The following USP15 variants were observed in gnomAD, a reference collection of about 807,000 sequenced individuals.
USP15 encodes the protein ubiquitin specific peptidase 15, also known as ubiquitin carboxyl-terminal hydrolase 15.
Under a neutral mutation model 127.1 loss-of-function variants are expected in USP15, and 18 were observed. The observed-to-expected ratio is 0.14, with a 90% CI of 0.10 to 0.21. The LOEUF (loss-of-function observed/expected upper bound fraction) is 0.21. Among genes scored for constraint, USP15 ranks in the 10% least tolerant of loss-of-function variants. USP15 has a pLI of 1.00. For missense variants in USP15, 805 were observed against 1,159.9 expected, an observed-to-expected ratio of 0.69 and a Z score of 4.44; for synonymous variants, 364 against 393.7, an observed-to-expected ratio of 0.92 and a Z score of 0.89.
At position 62,321,513 on chromosome 12, in the gene USP15, G is replaced by A. The variant is rs2137281069; in HGVS notation, c.525G>A (p.Lys175=). 1.2e-6 allele frequency: 2 copies of A among 1,607,768 alleles called. No individual in the cohort carries two copies. Among genetic ancestry groups the A allele is most frequent in the Non-Finnish European group, 1.7e-6 (2 of 1,176,438 alleles). Reference sequence around the variant, plus strand: ...AAATCTTCAGTATTCCAGATGAAAAGGAGACCAGATTGTGGAACAAATACA... The same window carrying A: ...AAATCTTCAGTATTCCAGATGAAAAAGAGACCAGATTGTGGAACAAATACA... ...IRKIFSIPDE[K]ETRLWNKYMS... Residue 175 remains lysine (K), a synonymous_variant, in exon 5 of 22, where the codon AAG becomes AAA. Coordinates refer to ENST00000280377, the MANE Select transcript of USP15 (RefSeq NM_001252078.2).
chr12:62,290,590 A>G (rs1565822937), intron 1 of USP15, among the ~76,000 whole-genome samples: 1 of 152,210 alleles, frequency 6.6e-6, no homozygotes, highest in African/African-American at 2.4e-5. Flanking sequence ...TAAGTAGAGC[A>G]TTTAACTCAT....
At position 62,331,145 on chromosome 12, in the gene USP15, A is replaced by T. The variant is rs376986864; in HGVS notation, c.683+5212A>T. Among the ~76,000 whole-genome samples the T allele has an allele frequency of 2.6e-5, 4 of 152,198 alleles. No individual in the cohort carries two copies. The East Asian group carries it at 7.7e-4, about 29-fold the overall frequency. On this transcript the variant is annotated intron_variant, in intron 6 of 21. Transcript: ENST00000280377. ...GGCATGAAAATGCTAGTTCTGATAT[A>T]TATCACTAACCTGGAATTTGTCCAT...
intron 6 of USP15, among the ~76,000 whole-genome samples, chr12:62,332,346 T>C (rs2065329965): frequency 6.6e-6 from 1 of 152,166 alleles, no homozygotes; most frequent in Non-Finnish European, 1.5e-5. Flanking sequence ...AACATGATCT[T>C]TTCTAATGAT....
rs187364821 is a variant in USP15 at position 62,274,767 on chromosome 12, G to A, written c.89+14264G>A. On this transcript the variant is annotated intron_variant, in intron 1 of 21. Transcript: ENST00000280377. Reference sequence around the variant, plus strand: ...CAACTAATATAAAAACACTTTGTACGAAAACCTTATATAAACATTAAACAT... The same window carrying A: ...CAACTAATATAAAAACACTTTGTACAAAAACCTTATATAAACATTAAACAT... Among the ~76,000 whole-genome samples, 6 of 152,250 alleles carry A rather than the reference G, an allele frequency of 3.9e-5. No homozygotes were observed. The East Asian group carries it at 9.7e-4, about 24-fold the overall frequency.
At chr12:62,360,111 C>T (rs2066268282) in intron 8 of USP15, among the ~76,000 whole-genome samples, 1 of 152,026 alleles carries the variant, frequency 6.6e-6, no homozygotes. Context: ...GAAGCATCTC[C>T]TCAGATGGAT....
chr12:62,311,396 T>C (rs1182828518), intron 3 of USP15, among the ~76,000 whole-genome samples: 1 of 151,796 alleles, frequency 6.6e-6, no homozygotes, highest in Non-Finnish European at 1.5e-5. Flanking sequence ...ATAGTAAATA[T>C]TTTTAGCTTT....
At chr12:62,337,438 C>T (rs953231694) in intron 6 of USP15, among the ~76,000 whole-genome samples, 5 of 152,036 alleles carry the variant, frequency 3.3e-5, no homozygotes, top group Middle Eastern at 3.4e-3. Flanking sequence ...GAGAAACTCC[C>T]GTTTTGTTTT....
intron 8 of USP15, among the ~76,000 whole-genome samples, chr12:62,378,623 T>G (rs2137555763): frequency 6.6e-6 from 1 of 152,304 alleles, no homozygotes; most frequent in South Asian, 2.1e-4. Flanking sequence ...GGTCTCTGTT[T>G]CAAGGAGTTT....
intron 1 of USP15, among the ~76,000 whole-genome samples, chr12:62,272,931 G>T (rs2063376506): frequency 6.6e-6 from 1 of 151,992 alleles, no homozygotes; most frequent in African/African-American, 2.4e-5. Context: ...TGGTCTTCAT[G>T]AAATGTAAAT....
chr12:62,392,129 A>G, intron 17 of USP15, 143 bp from the exon 18 acceptor site: 1 of 690,656 alleles, frequency 1.4e-6, no homozygotes, highest in Non-Finnish European at 2.4e-6. Flanking sequence ...ATTATTTAGA[A>G]GTATATAAAT....
chr12:62,320,640 T>C (rs1435380511), intron 4 of USP15, among the ~76,000 whole-genome samples: 2 of 152,170 alleles, frequency 1.3e-5, no homozygotes, highest in Non-Finnish European at 2.9e-5. Flanking sequence ...AAAACCTTAC[T>C]GACTACAAGA....
chr12:62,291,389 AT>A, intron 1 of USP15, among the ~76,000 whole-genome samples: 1 of 151,894 alleles, frequency 6.6e-6, no homozygotes, highest in East Asian at 1.9e-4. Flanking sequence ...TGAATTTTTT[AT>A]TTTCAAAAGA....
chr12:62,329,055 TTA>T (rs1371390408), intron 6 of USP15, among the ~76,000 whole-genome samples: 10 of 152,316 alleles, frequency 6.6e-5, no homozygotes, highest in South Asian at 2.1e-4. Flanking sequence ...AATATAACAC[TTA>T]TATTTAATGA....
chr12:62,382,054 G>T (rs2067006356), intron 9 of USP15, among the ~76,000 whole-genome samples: 3 of 151,786 alleles, frequency 2.0e-5, no homozygotes, highest in Non-Finnish European at 4.4e-5. Flanking sequence ...ACTAAATTTG[G>T]GCATGTTACT....
At chr12:62,387,478 A>G (rs571764483) in intron 11 of USP15, among the ~76,000 whole-genome samples, 2 of 152,310 alleles carry the variant, frequency 1.3e-5, no homozygotes, top group East Asian at 3.9e-4. Flanking sequence ...GAACTTCAAA[A>G]GAGGAATATG....
At chr12:62,298,033 A>G (rs182415132) in intron 2 of USP15, among the ~76,000 whole-genome samples, 118 of 152,360 alleles carry the variant, frequency 7.7e-4, no homozygotes, top group African/African-American at 2.6e-3. Context: ...GAGGTCTTCA[A>G]CAGCAGACTT....
At chr12:62,396,004 G>A (rs1315490124) in intron 19 of USP15, among the ~76,000 whole-genome samples, 1 of 151,958 alleles carries the variant, frequency 6.6e-6, no homozygotes, top group Non-Finnish European at 1.5e-5. Flanking sequence ...CGACAAACAT[G>A]GGGAGTGCAG....
intron 6 of USP15, among the ~76,000 whole-genome samples, chr12:62,340,089 C>T (rs187393157): frequency 2.6e-5 from 4 of 152,208 alleles, no homozygotes; most frequent in African/African-American, 7.2e-5. Flanking sequence ...TTCAGGGATT[C>T]GACTTCTTCC....
intron 11 of USP15, among the ~76,000 whole-genome samples, chr12:62,384,786 T>C (rs12424732): frequency 0.6 from 90,284 of 151,444 alleles, 27,119 homozygotes; most frequent in Non-Finnish European, 0.62. Context: ...AAAAATATTT[T>C]GTTCAGTGAT....
Sources: gnomAD v4.1 joint callset for allele counts (sites outside exome capture counted in the v4.1 genomes callset) on GRCh38, gnomAD v4.1.1 for gene constraint, MANE v1.5 for transcripts, NCBI Gene and HGNC (gene_info 2026-07-23, HGNC 2026-07-21) for gene names.